The following CSMD1 variants were observed in gnomAD, a reference collection of about 807,000 sequenced individuals.
CSMD1 encodes the protein CUB and Sushi multiple domains 1, also known as CUB and sushi domain-containing protein 1.
A neutral mutation model predicts 417.5 loss-of-function variants in CSMD1; 213 were observed. The observed-to-expected ratio is 0.51, with a 90% CI of 0.46 to 0.57. The LOEUF (loss-of-function observed/expected upper bound fraction) is 0.57, where lower values mean the gene tolerates loss of function less well. Ranked by LOEUF, CSMD1 falls within the 20% of genes least tolerant of loss-of-function variation. The pLI, the probability that CSMD1 is intolerant of heterozygous loss-of-function variation, is 0.00. For synonymous variants in CSMD1, 2,862 were observed against 1,736.8 expected, an observed-to-expected ratio of 1.65 and a Z score of -16.11; for missense variants, 6,923 against 4,529.7, an observed-to-expected ratio of 1.53 and a Z score of -15.17.
At chr8:3,943,473 G>C (rs1811023225) in intron 5 of CSMD1, among the ~76,000 whole-genome samples, 1 of 144,480 alleles carries the variant, frequency 6.9e-6, no homozygotes, top group Non-Finnish European at 1.5e-5. Context: ...AAAATGATCA[G>C]TCAGTGGGTG....
chr8:3,772,628 C>G (rs959556971), intron 5 of CSMD1, among the ~76,000 whole-genome samples: 1 of 107,114 alleles, frequency 9.3e-6, no homozygotes, highest in Non-Finnish European at 1.7e-5. Context: ...CATATATACA[C>G]ATATATTTAT....
intron 5 of CSMD1, among the ~76,000 whole-genome samples, chr8:3,771,037 C>T (rs138791945): frequency 1.7e-4 from 26 of 149,018 alleles, no homozygotes; most frequent in African/African-American, 5.7e-4. Context: ...TGTCTGCGTG[C>T]GTGTGTGTGT....
chr8:3,821,774 T>A (rs995298726), intron 5 of CSMD1, among the ~76,000 whole-genome samples: 1 of 151,868 alleles, frequency 6.6e-6, no homozygotes, highest in African/African-American at 2.4e-5. Flanking sequence ...AGAGTGAGAC[T>A]CTGTCTCAAA....
chr8:3,415,788 T>C (rs921315167), intron 12 of CSMD1, among the ~76,000 whole-genome samples: 10 of 152,272 alleles, frequency 6.6e-5, no homozygotes, highest in African/African-American at 2.4e-4. Context: ...TCTGGAAAAA[T>C]GGAAAAGTAT....
intron 5 of CSMD1, among the ~76,000 whole-genome samples, chr8:3,754,815 G>A (rs574261427): frequency 6.6e-6 from 1 of 152,086 alleles, no homozygotes; most frequent in African/African-American, 2.4e-5. Flanking sequence ...TCTCATGCTT[G>A]GTAACAAGCT....
intron 1 of CSMD1, among the ~76,000 whole-genome samples, chr8:4,736,686 G>A (rs1027336219): frequency 7.9e-5 from 12 of 152,068 alleles, no homozygotes; most frequent in South Asian, 2.1e-4. Context: ...AAGATAAATC[G>A]CAGGAAAAAG....
intron 5 of CSMD1, among the ~76,000 whole-genome samples, chr8:3,892,914 G>C (rs1002209578): frequency 6.6e-6 from 1 of 151,630 alleles, no homozygotes; most frequent in African/African-American, 2.4e-5. Context: ...CAGAGCAAGA[G>C]GCCTCTCTGT....
chr8:3,605,847 C>A (rs62473914), intron 8 of CSMD1, among the ~76,000 whole-genome samples: 3,512 of 152,234 alleles, frequency 0.023, 57 homozygotes, highest in Admixed American at 0.053. Flanking sequence ...AATTGTTAAT[C>A]TATTCTCTGA....
At chr8:3,104,926 G>T (rs1362370743) in intron 46 of CSMD1, among the ~76,000 whole-genome samples, 1 of 151,952 alleles carries the variant, frequency 6.6e-6, no homozygotes, top group Non-Finnish European at 1.5e-5. Context: ...GGCTGGTCTC[G>T]ACCTCCCAGC....
intron 1 of CSMD1, among the ~76,000 whole-genome samples, chr8:4,868,328 G>C (rs548610172): frequency 2.6e-5 from 4 of 151,858 alleles, no homozygotes; most frequent in African/African-American, 9.7e-5. Context: ...CCATCCCCTG[G>C]GTTCGAGCGA....
chr8:3,889,364 T>G (rs1806785220), intron 5 of CSMD1, among the ~76,000 whole-genome samples: 1 of 149,614 alleles, frequency 6.7e-6, no homozygotes, highest in Admixed American at 6.7e-5. Flanking sequence ...AAATTTTGCT[T>G]GTATTTTTTA....
chr8:4,493,992 T>A (rs865817646), intron 2 of CSMD1, among the ~76,000 whole-genome samples: 1 of 152,188 alleles, frequency 6.6e-6, no homozygotes, highest in Non-Finnish European at 1.5e-5. Flanking sequence ...GCCTTAAGCA[T>A]GTACACATAG....
chr8:3,519,025 T>G (rs923164868), intron 10 of CSMD1, among the ~76,000 whole-genome samples: 1 of 152,238 alleles, frequency 6.6e-6, no homozygotes, highest in East Asian at 1.9e-4. Flanking sequence ...CAAGCTAACT[T>G]CTGTTTCTAT....
intron 3 of CSMD1, among the ~76,000 whole-genome samples, chr8:4,181,258 G>A (rs1048767949): frequency 2.0e-5 from 3 of 152,062 alleles, no homozygotes; most frequent in Non-Finnish European, 4.4e-5. Context: ...CACCCTGAAC[G>A]TGCCCAATCT....
chr8:4,575,581 C>T (rs969544725), intron 2 of CSMD1, among the ~76,000 whole-genome samples: 2 of 152,170 alleles, frequency 1.3e-5, no homozygotes, highest in Admixed American at 1.3e-4. Context: ...AAGTTGTGTC[C>T]ACTGTGAATT....
intron 5 of CSMD1, among the ~76,000 whole-genome samples, chr8:3,995,796 C>T (rs893886734): frequency 6.6e-6 from 1 of 152,200 alleles, no homozygotes; most frequent in African/African-American, 2.4e-5. Context: ...CCCGGCTAAT[C>T]ATGGCTATTT....
intron 52 of CSMD1, among the ~76,000 whole-genome samples, chr8:3,012,246 G>A (rs1808445725): frequency 6.6e-6 from 1 of 152,176 alleles, no homozygotes; most frequent in Non-Finnish European, 1.5e-5. Flanking sequence ...ATCCAGACCA[G>A]GGACCTAAAA....
intron 5 of CSMD1, among the ~76,000 whole-genome samples, chr8:3,819,861 AG>A: frequency 6.6e-6 from 1 of 152,256 alleles, no homozygotes; most frequent in Non-Finnish European, 1.5e-5. Context: ...TGATTTTGCA[AG>A]GGGTAAACTA....
Position 4,637,552 on chromosome 8 carries a change from T to A in CSMD1, c.92A>T (p.Asn31Ile). 1.2e-6 allele frequency: 2 copies of A among 1,611,142 alleles called. No homozygotes were observed. Among genetic ancestry groups the A allele is most frequent in the Middle Eastern group, 1.7e-4 (1 of 6,058 alleles). Residue 31 changes from asparagine to isoleucine, a missense_variant, in exon 2 of 70, where the codon AAC (asparagine) becomes ATC (isoleucine). Coordinates refer to ENST00000635120, the MANE Select transcript of CSMD1 (RefSeq NM_033225.6). ...ARLLTAAKGQ[N>I]CGGLVQGPNG... ...GGGACCCTGGACTAAGCCTCCACAG[T>A]TCTGACCTGGAAGAGAAAACACACA...
Sources: allele counts gnomAD v4.1 joint callset (sites outside exome capture counted in the v4.1 genomes callset), GRCh38; gene constraint gnomAD v4.1.1; transcripts MANE v1.5; gene names NCBI Gene and HGNC (gene_info 2026-07-23, HGNC 2026-07-21).